FAM153A: variants seen among roughly 807,000 people sequenced by gnomAD.
The protein encoded by FAM153A is family with sequence similarity 153 member A, also known as protein FAM153A.
In FAM153A, 12 loss-of-function variants were observed where a neutral mutation model predicts 48.1. The ratio of observed to expected loss-of-function variants is 0.25; its 90% CI spans 0.16 to 0.40. The LOEUF (loss-of-function observed/expected upper bound fraction) is 0.40. FAM153A is among the 10% of genes least tolerant of loss of function. The probability of loss-of-function intolerance (pLI) is 1.00; values close to 1 mark genes in which losing one functional copy is unlikely to be tolerated. For synonymous variants in FAM153A, 36 were observed against 118.2 expected (o/e 0.30, Z 4.51); for missense variants, 111 against 345.8 (o/e 0.32, Z 5.38).
exon 25 of FAM153A, chr5:177,716,412 G>A (rs919673049): frequency 6.6e-6 from 1 of 151,880 alleles, no homozygotes; most frequent in Non-Finnish European, 1.5e-5. Context: ...TCTTTCAGTA[G>A]GTGCTGTGAT....
At chr5:177,700,820 T>G in the FAM153A span, among the ~76,000 whole-genome samples, 1 of 151,740 alleles carries the variant, frequency 6.6e-6, no homozygotes, top group African/African-American at 2.4e-5. Flanking sequence ...ACACCTCAGT[T>G]GCAGGATACA....
intron 19 of FAM153A, 84 bp from the exon 22 acceptor site, chr5:177,724,446 C>A: frequency 1.2e-6 from 2 of 1,600,754 alleles, no homozygotes; most frequent in Admixed American, 1.7e-5. Context: ...CCAGAGCAGA[C>A]CCAGATGTCA....
intron 14 of FAM153A, among the ~76,000 whole-genome samples, chr5:177,733,119 G>GAA (rs3051467): frequency 4.9e-5 from 6 of 122,840 alleles, no homozygotes; most frequent in African/African-American, 1.9e-4. Context: ...CAGCTGTGTA[G>GAA]GAGTCCAGCA....
intron 4 of FAM153A, among the ~76,000 whole-genome samples, chr5:177,746,047 A>G (rs1304136254): frequency 4.0e-5 from 6 of 151,052 alleles, no homozygotes; most frequent in Non-Finnish European, 7.4e-5. Flanking sequence ...TTTGTGACAA[A>G]TTCAGTGTAG....
chr5:177,716,964 A>AGAGTGTGT (rs71585654), intron 24 of FAM153A, among the ~76,000 whole-genome samples: 2 of 127,652 alleles, frequency 1.6e-5, no homozygotes, highest in African/African-American at 3.1e-5. Flanking sequence ...ATTCCCGCTT[A>AGAGTGTGT]GTGTGTGTGT....
intron 2 of FAM153A, chr5:177,750,453 T>C (rs1766711174): frequency 5.5e-6 from 1 of 182,872 alleles, no homozygotes; most frequent in South Asian, 1.0e-4. Context: ...TAAGAATGTA[T>C]CACTATTGGC....
downstream of FAM153A, among the ~76,000 whole-genome samples, chr5:177,721,208 C>CTTGGAG (rs1760967681): frequency 2.6e-5 from 1 of 38,632 alleles, no homozygotes; most frequent in Non-Finnish European, 5.1e-5. Flanking sequence ...CTTGCACATG[C>CTTGGAG]TTGGAGAAGC....
intron 10 of FAM153A, among the ~76,000 whole-genome samples, chr5:177,738,349 C>T (rs967173711): frequency 2.6e-5 from 4 of 151,362 alleles, no homozygotes; most frequent in Admixed American, 1.3e-4. Context: ...AGCCTGACCT[C>T]GCAATGTCTG....
chr5:177,709,766 G>A (rs2127548914), downstream of FAM153A, among the ~76,000 whole-genome samples: 1 of 126,480 alleles, frequency 7.9e-6, no homozygotes, highest in African/African-American at 3.0e-5. Flanking sequence ...TGCCTCCCGG[G>A]TTCAAGCGAT....
chr5:177,779,058 T>C (rs982161182), intron 1 of FAM153A, among the ~76,000 whole-genome samples: 1 of 150,782 alleles, frequency 6.6e-6, no homozygotes, highest in South Asian at 2.1e-4. Flanking sequence ...AACATAACCA[T>C]TGAATATAGT....
In FAM153A at chr5:177,779,454, C is replaced by A. The variant is rs1481602922; in HGVS notation, c.-57+995G>T. The A allele has an allele frequency of 3.6e-5, 4 of 112,026 alleles. 2 individuals carry two copies. The highest frequency in any genetic ancestry group is 7.9e-5 in the Non-Finnish European group (4 of 50,426). The allele number at this position is 112,026 out of a possible 1,614,324, so 6.9% of individuals were successfully genotyped here. ...GTCTTCTGCACTCAGTAGGTATCTT[C>A]AAAAAATAATCTCCTATTCGTATGG... is the stretch of plus-strand genomic sequence containing the variant. On this transcript the variant is annotated intron_variant, in intron 1 of 8. Transcript: ENST00000393518.
chr5:177,699,188 C>G, the FAM153A span, among the ~76,000 whole-genome samples: 2 of 151,574 alleles, frequency 1.3e-5, no homozygotes, highest in South Asian at 2.1e-4. Context: ...TCCAATACTA[C>G]TACATTACTT....
exon 27 of FAM153A, chr5:177,711,729 A>G (rs1392954611): frequency 6.6e-6 from 1 of 151,962 alleles, no homozygotes; most frequent in Admixed American, 6.5e-5. Context: ...TGAACATTAA[A>G]CAAACCAGAG....
chr5:177,695,035 T>C, the FAM153A span, among the ~76,000 whole-genome samples: 5 of 148,692 alleles, frequency 3.4e-5, no homozygotes, highest in South Asian at 8.7e-4. Flanking sequence ...GCAATTCTTA[T>C]GCCTCAGCCT....
the FAM153A span, among the ~76,000 whole-genome samples, chr5:177,696,420 G>A: frequency 6.6e-6 from 1 of 151,954 alleles, no homozygotes; most frequent in Non-Finnish European, 1.5e-5. Context: ...CGGGGCAGCC[G>A]GGCAGAGGTG....
chr5:177,759,803 G>T (rs564812035), intron 1 of FAM153A, among the ~76,000 whole-genome samples: 1 of 150,790 alleles, frequency 6.6e-6, no homozygotes, highest in Non-Finnish European at 1.5e-5. Flanking sequence ...ATCACACACC[G>T]GGGCCTGTTG....
At chr5:177,709,660 TG>T (rs1205257242), downstream of FAM153A, among the ~76,000 whole-genome samples, 29 of 127,124 alleles carry the variant, frequency 2.3e-4, no homozygotes, top group African/African-American at 3.9e-4. Context: ...TGCGCCCGGC[TG>T]GGTTTTTTTT....
rs1488217399 is a variant in FAM153A, at chr5:177,769,865, G to A, written c.-57+10584C>T. ...AGAGAGAAGCTTAAGAAACACCGGC[G>A]TGGTGTGCCAGGCTGCCAGGCAGTA... On this transcript the variant is annotated intron_variant, in intron 1 of 8. Transcript: ENST00000393518. Among the ~76,000 whole-genome samples the A allele has an allele frequency of 1.1e-4, 11 of 97,082 alleles. 1 individual carries two copies. Among genetic ancestry groups the A allele is most frequent in the African/African-American group, 3.3e-4 (8 of 24,520 alleles). The allele number at this position is 97,082 out of a possible 152,430, so 63.7% of individuals were successfully genotyped here.
At chr5:177,732,486 G>T in intron 14 of FAM153A, among the ~76,000 whole-genome samples, 1 of 76,494 alleles carries the variant, frequency 1.3e-5, no homozygotes, top group African/African-American at 4.7e-5. Flanking sequence ...CTGCTGCTGT[G>T]TTTTTTGTCC....
Sources: allele counts gnomAD v4.1 joint callset (sites outside exome capture counted in the v4.1 genomes callset), GRCh38; gene constraint gnomAD v4.1.1; transcripts MANE v1.5; gene names NCBI Gene and HGNC (gene_info 2026-07-23, HGNC 2026-07-21).